PTCD3: variants seen among roughly 807,000 people sequenced by gnomAD.
PTCD3 encodes the protein pentatricopeptide repeat domain 3.
A neutral mutation model predicts 101.9 loss-of-function variants in PTCD3; 89 were observed. The observed-to-expected ratio is 0.87, with a 90% confidence interval of 0.74 to 1.04. The LOEUF (loss-of-function observed/expected upper bound fraction) is 1.04, where lower values mean the gene tolerates loss of function less well. Ranked by LOEUF, PTCD3 falls within the 50% of genes least tolerant of loss-of-function variation. The pLI is 0.00. For missense variants in PTCD3, 870 were observed against 828.2 expected, an observed-to-expected ratio of 1.05 and a Z score of -0.62; for synonymous variants, 296 against 278.5, an observed-to-expected ratio of 1.06 and a Z score of -0.63.
chr2:86,119,276 G>A, intron 7 of PTCD3: 1 of 524,676 alleles, frequency 1.9e-6, no homozygotes, highest in Non-Finnish European at 3.2e-6. Context: ...CACTGGTAGA[G>A]AAATTGTATC....
chr2:86,127,774 T>TATCCAACC, intron 13 of PTCD3, 167 bp from the exon 14 acceptor site: 1 of 618,342 alleles, frequency 1.6e-6, no homozygotes, highest in East Asian at 2.8e-5. Flanking sequence ...GTTTTTTACC[T>TATCCAACC]TTACATTAAT....
intron 6 of PTCD3, among the ~76,000 whole-genome samples, chr2:86,117,380 C>T (rs1316140145): frequency 2.0e-5 from 3 of 151,960 alleles, no homozygotes; most frequent in Non-Finnish European, 4.4e-5. Context: ...ATTTTTGTGA[C>T]ACCATGCTCT....
intron 21 of PTCD3, chr2:86,135,222 T>C (rs1674565608): frequency 9.9e-6 from 4 of 404,168 alleles, no homozygotes; most frequent in Non-Finnish European, 1.7e-5. Flanking sequence ...ACTTTCTGTG[T>C]CTATGGACAA....
intron 3 of PTCD3, chr2:86,108,786 T>C (rs1674016761): frequency 2.5e-6 from 1 of 407,800 alleles, no homozygotes; most frequent in Admixed American, 4.2e-5. Flanking sequence ...GGGTTACTAT[T>C]TACGTGGTTA....
In PTCD3 at chr2:86,111,220, C is replaced by T. The variant is rs1372750097; in HGVS notation, c.240+62C>T. 3.5e-5 allele frequency: 47 copies of T among 1,331,156 alleles called. No individual in the cohort carries two copies. The East Asian group carries it at 7.1e-4, about 20-fold the overall frequency. The allele number at this position is 1,331,156 out of a possible 1,614,324, so 82.5% of individuals were successfully genotyped here. A position where few individuals can be genotyped will look rare whatever the true frequency, so the allele number is the denominator to read the frequency against. On this transcript the variant is annotated intron_variant, in intron 4 of 23. Transcript: ENST00000254630. The stretch of plus-strand genomic sequence containing the variant: ...TTGGCTAATAACACACTTTTTAACT[C>T]GGCTAATAACACATTTAATACTCAT...
chr2:86,127,916 T>C, intron 13 of PTCD3, 25 bp from the exon 14 acceptor site: 1 of 1,586,358 alleles, frequency 6.3e-7, no homozygotes, highest in East Asian at 2.2e-5. Context: ...ATTGTTTATT[T>C]TTTCTGTCTA....
chr2:86,134,788 A>G, intron 20 of PTCD3, 51 bp from the exon 21 acceptor site: 1 of 1,602,732 alleles, frequency 6.2e-7, no homozygotes, highest in South Asian at 1.1e-5. Flanking sequence ...TCCTGAACTG[A>G]AATTCTCATA....
At chr2:86,114,002 C>T (rs913604330) in intron 4 of PTCD3, among the ~76,000 whole-genome samples, 9 of 151,474 alleles carry the variant, frequency 5.9e-5, no homozygotes, top group African/African-American at 1.7e-4. Flanking sequence ...AATGGACCTC[C>T]GAGATATTCT....
In PTCD3 at chr2:86,141,877, C is replaced by T. The variant is rs1458823536; in HGVS notation, c.*4318C>T. On this transcript the variant is annotated 3_prime_UTR_variant, in exon 24 of 24. Transcript: ENST00000254630. ...TATCCACCTCCCGGATAACCCTGGC[C>T]CTTGGGACTCCATCATCTCCTTGAA... The T allele has an allele frequency of 3.3e-5, 5 of 152,320 alleles. No individual in the cohort carries two copies. The highest frequency in any genetic ancestry group is 3.4e-3 in the Middle Eastern group (1 of 294). 9.4% of individuals were successfully genotyped at this position (152,320 alleles called of 1,614,324 possible).
chr2:86,131,918 G>C (rs1401403743), intron 16 of PTCD3, among the ~76,000 whole-genome samples: 1 of 152,242 alleles, frequency 6.6e-6, no homozygotes, highest in Non-Finnish European at 1.5e-5. Context: ...TCAAGCGTAT[G>C]TATATCCAGG....
At chr2:86,134,233 A>C in intron 19 of PTCD3, 59 bp from the exon 20 acceptor site, 1 of 1,317,064 alleles carries the variant, frequency 7.6e-7, no homozygotes, top group Non-Finnish European at 1.1e-6. Flanking sequence ...TTGACAGTGA[A>C]CAAAAGTGTG....
rs1452717378 is a variant in PTCD3 at position 86,138,233 on chromosome 2, G to A, written c.*674G>A. ...TCTCCCTTTTTTTTTGTCTATAGCT[G>A]TTACCTATTTTAGTGGTTGAAATGA... On this transcript the variant is annotated 3_prime_UTR_variant, in exon 24 of 24. Coordinates refer to ENST00000254630, the MANE Select transcript of PTCD3 (RefSeq NM_017952.6). 1 of 152,118 alleles carries A rather than the reference G, an allele frequency of 6.6e-6. No individual in the cohort carries two copies. Among genetic ancestry groups the A allele is most frequent in the Non-Finnish European group, 1.5e-5 (1 of 68,146 alleles). The allele number at this position is 152,118 out of a possible 1,614,324, so 9.4% of individuals were successfully genotyped here.
chr2:86,119,360 CTT>C (rs70953987), intron 7 of PTCD3, among the ~76,000 whole-genome samples: 181 of 141,212 alleles, frequency 1.3e-3, no homozygotes, highest in Middle Eastern at 3.6e-3. Context: ...TACCCTTTTC[CTT>C]TTTTTTTTTT....
At chr2:86,107,381 C>T (rs370644835) in intron 1 of PTCD3, among the ~76,000 whole-genome samples, 2 of 152,178 alleles carry the variant, frequency 1.3e-5, no homozygotes, top group African/African-American at 4.8e-5. Context: ...ATGTCCTTAA[C>T]GTAGAGGGGT....
intron 19 of PTCD3, 66 bp from the exon 20 acceptor site, chr2:86,134,226 A>G: frequency 8.3e-7 from 1 of 1,207,320 alleles, no homozygotes; most frequent in Non-Finnish European, 1.2e-6. Context: ...AAATAGGTTG[A>G]CAGTGAACAA....
At position 86,125,589 on chromosome 2, in the gene PTCD3, G is replaced by A. The variant is rs1010452472; in HGVS notation, c.865+74G>A. The A allele has an allele frequency of 9.7e-6, 14 of 1,437,294 alleles. No homozygotes were observed. In the Admixed American group the frequency reaches 1.4e-4, roughly 14 times the overall value. The allele number at this position is 1,437,294 out of a possible 1,614,324, so 89.0% of individuals were successfully genotyped here. On this transcript the variant is annotated intron_variant, in intron 11 of 23. Coordinates refer to ENST00000254630, the MANE Select transcript of PTCD3 (RefSeq NM_017952.6). Reference sequence around the variant, plus strand: ...ATTGTCTGTGTGAAGGCTTTGGATCGTGCCTCAGTCATTGGCCTACACTTT... The same window carrying A: ...ATTGTCTGTGTGAAGGCTTTGGATCATGCCTCAGTCATTGGCCTACACTTT...
Position 86,125,491 on chromosome 2 carries a change from G to A in PTCD3, c.841G>A (p.Glu281Lys). 2 of 1,612,824 alleles carry A rather than the reference G, an allele frequency of 1.2e-6. No homozygotes were observed. Among genetic ancestry groups the A allele is most frequent in the East Asian group, 4.5e-5 (2 of 44,874 alleles). ...AYEQALNLYT[E>K]LLNNRLHADV... Reference sequence around the variant, plus strand: ...TGAGCAGGCATTAAACTTGTACACTGAGTTACTAAACAACAGACTCCATGG... The same window carrying A: ...TGAGCAGGCATTAAACTTGTACACTAAGTTACTAAACAACAGACTCCATGG... Residue 281 changes from glutamate (E) to lysine (K), a missense_variant, in exon 11 of 24, where the codon GAG (glutamate) becomes AAG (lysine). Transcript: ENST00000254630.
intron 15 of PTCD3, 81 bp from the exon 16 acceptor site, chr2:86,130,997 G>A: frequency 6.8e-7 from 1 of 1,460,754 alleles, no homozygotes; most frequent in South Asian, 1.2e-5. Flanking sequence ...AGTTTTGTTG[G>A]CAGGATTTTT....
intron 1 of PTCD3, chr2:86,107,311 A>AG (rs1160994551): frequency 2.3e-6 from 1 of 436,000 alleles, no homozygotes; most frequent in Non-Finnish European, 4.7e-6. Flanking sequence ...CATGAGAAAC[A>AG]AATAGTGTGA....
Sources: allele counts gnomAD v4.1 joint callset (sites outside exome capture counted in the v4.1 genomes callset), GRCh38; gene constraint gnomAD v4.1.1; transcripts MANE v1.5; gene names NCBI Gene and HGNC (gene_info 2026-07-23, HGNC 2026-07-21).